Variants in PTPRT observed in about 807,000 individuals in gnomAD.
PTPRT encodes the protein protein tyrosine phosphatase receptor type T, also known as receptor-type tyrosine-protein phosphatase T.
PTPRT carries 56 observed loss-of-function variants against 176.8 expected under a neutral mutation model. That is an observed-to-expected ratio of 0.32 (90% CI 0.26 to 0.40). The LOEUF is 0.40. Among genes scored for constraint, PTPRT ranks in the 10% least tolerant of loss-of-function variants. The pLI, the probability that PTPRT is intolerant of heterozygous loss-of-function variation, is 1.00. For synonymous variants in PTPRT, 783 were observed against 739.0 expected, an observed-to-expected ratio of 1.06 and a Z score of -0.96; for missense variants, 1,540 against 1,908.2, an observed-to-expected ratio of 0.81 and a Z score of 3.60.
chr20:42,096,280 T>C (rs1222488793), intron 27 of PTPRT, among the ~76,000 whole-genome samples: 1 of 152,148 alleles, frequency 6.6e-6, no homozygotes, highest in Non-Finnish European at 1.5e-5. Context: ...TTACCCTTTT[T>C]TTGCAATTTT....
At chr20:42,274,629 T>C (rs1219086205) in intron 13 of PTPRT, among the ~76,000 whole-genome samples, 2 of 150,214 alleles carry the variant, frequency 1.3e-5, no homozygotes, top group East Asian at 3.9e-4. Flanking sequence ...GCTGAATGTC[T>C]CAGACTTCCC....
At chr20:42,552,370 C>G (rs961896327) in intron 7 of PTPRT, among the ~76,000 whole-genome samples, 1 of 152,026 alleles carries the variant, frequency 6.6e-6, no homozygotes, top group Non-Finnish European at 1.5e-5. Context: ...ATCTAAAGAT[C>G]GATCAATGCA....
intron 1 of PTPRT, among the ~76,000 whole-genome samples, chr20:43,140,443 A>AGTGTGTGT (rs6147356): frequency 6.8e-6 from 1 of 146,854 alleles, no homozygotes; most frequent in African/African-American, 2.6e-5. Flanking sequence ...ACCTCTGGGT[A>AGTGTGTGT]GTGTGTGTGT....
At chr20:42,549,291 T>C (rs1414348626) in intron 7 of PTPRT, among the ~76,000 whole-genome samples, 2 of 151,762 alleles carry the variant, frequency 1.3e-5, no homozygotes, top group South Asian at 2.1e-4. Flanking sequence ...GTTAAAAAAA[T>C]AGTACTGATT....
chr20:42,698,381 T>C (rs192437477), intron 6 of PTPRT, among the ~76,000 whole-genome samples: 55 of 152,302 alleles, frequency 3.6e-4, no homozygotes, highest in African/African-American at 1.3e-3. Context: ...AGGACCCCTC[T>C]GAAAGGACTA....
chr20:42,230,451 A>T (rs1324304227), intron 15 of PTPRT, among the ~76,000 whole-genome samples: 1 of 152,240 alleles, frequency 6.6e-6, no homozygotes. Context: ...GACACATGCC[A>T]ACTCTTAATA....
intron 7 of PTPRT, among the ~76,000 whole-genome samples, chr20:42,534,492 C>T (rs955986198): frequency 1.3e-5 from 2 of 151,940 alleles, no homozygotes; most frequent in Non-Finnish European, 2.9e-5. Context: ...AAAATTTAGC[C>T]GGGCATGGTG....
intron 1 of PTPRT, among the ~76,000 whole-genome samples, chr20:42,931,552 C>T (rs1979849251): frequency 6.6e-6 from 1 of 152,138 alleles, no homozygotes. Flanking sequence ...CCTACGTGGG[C>T]AGAGGGTAAG....
At chr20:42,713,965 T>C (rs2076184893) in intron 6 of PTPRT, among the ~76,000 whole-genome samples, 2 of 152,196 alleles carry the variant, frequency 1.3e-5, no homozygotes, top group Non-Finnish European at 1.5e-5. Flanking sequence ...TGCAGAACCA[T>C]GAGCCAATTA....
chr20:43,150,603 C>T (rs1422312175), intron 1 of PTPRT, among the ~76,000 whole-genome samples: 1 of 152,134 alleles, frequency 6.6e-6, no homozygotes, highest in Non-Finnish European at 1.5e-5. Context: ...ACAACAGGCA[C>T]GTGTCACCAT....
chr20:43,023,497 C>G (rs768848729), intron 1 of PTPRT, among the ~76,000 whole-genome samples: 1 of 152,208 alleles, frequency 6.6e-6, no homozygotes, highest in African/African-American at 2.4e-5. Flanking sequence ...TCACACAAGC[C>G]TGCAGAAAGT....
chr20:42,381,924 C>T (rs10485692), intron 9 of PTPRT, among the ~76,000 whole-genome samples: 11,695 of 152,020 alleles, frequency 0.077, 484 homozygotes, highest in African/African-American at 0.11. Flanking sequence ...TGTAACATAG[C>T]GATATTTATA....
chr20:42,365,558 A>AG (rs2058502852), intron 9 of PTPRT, among the ~76,000 whole-genome samples: 1 of 152,026 alleles, frequency 6.6e-6, no homozygotes, highest in African/African-American at 2.4e-5. Flanking sequence ...GATCTAGAGC[A>AG]GGGGTGTCCG....
intron 7 of PTPRT, among the ~76,000 whole-genome samples, chr20:42,628,269 C>T (rs536678803): frequency 6.6e-6 from 1 of 152,090 alleles, no homozygotes; most frequent in Non-Finnish European, 1.5e-5. Context: ...CTCAGTGGGA[C>T]AGGGGAGATG....
chr20:42,461,437 T>C (rs1212524854), intron 8 of PTPRT, among the ~76,000 whole-genome samples: 1 of 151,982 alleles, frequency 6.6e-6, no homozygotes, highest in African/African-American at 2.4e-5. Flanking sequence ...CTGGAGAGGG[T>C]GAGGTGGGAG....
chr20:42,332,954 C>A (rs964210903), intron 11 of PTPRT, among the ~76,000 whole-genome samples: 8 of 152,166 alleles, frequency 5.3e-5, no homozygotes, highest in Non-Finnish European at 1.0e-4. Flanking sequence ...GCAAAGAATG[C>A]ACTCAAGTGC....
Position 42,615,528 on chromosome 20 carries a change from G to T in PTPRT, c.1153+62338C>A, listed in dbSNP as rs111353520. On this transcript the variant is annotated intron_variant, in intron 7 of 30. Coordinates refer to ENST00000373187, the MANE Select transcript of PTPRT (RefSeq NM_007050.6). ...AATCGCCACAGTGACTTCTACAATG[G>T]TTGAACTGGATTACAGTCCCACCAA... is the stretch of plus-strand genomic sequence containing the variant. Among the ~76,000 whole-genome samples, 882 of 138,856 alleles carry T rather than the reference G, an allele frequency of 6.4e-3. 219 individuals carry two copies. Among genetic ancestry groups the T allele is most frequent in the African/African-American group, 0.026 (837 of 32,096 alleles). The allele number at this position is 138,856 out of a possible 152,430, so 91.1% of individuals were successfully genotyped here.
rs1568774167 is a variant in PTPRT, at chr20:43,083,349, T to TATATATATAC, written c.88+106296_88+106297insGTATATATAT. 3.8e-3 allele frequency among the ~76,000 whole-genome samples: 449 copies of TATATATATAC among 117,326 alleles called. 32 individuals carry two copies. Among genetic ancestry groups the TATATATATAC allele is most frequent in the Middle Eastern group, 0.025 (6 of 244 alleles). The allele number at this position is 117,326 out of a possible 152,430, so 77.0% of individuals were successfully genotyped here. A position where few individuals can be genotyped will look rare whatever the true frequency, so the allele number is the denominator to read the frequency against. Reference sequence around the variant, plus strand: ...ATATATATATATATATATATATATATATATATATATATATATATATACATT... The same window carrying TATATATATAC: ...ATATATATATATATATATATATATATATATATATACATATATATATATATATATATACATT... On this transcript the variant is annotated intron_variant, in intron 1 of 30. Coordinates refer to ENST00000373187, the MANE Select transcript of PTPRT (RefSeq NM_007050.6).
intron 1 of PTPRT, 31 bp from the exon 2 acceptor site, chr20:42,885,963 T>G (rs888478205): frequency 6.5e-7 from 1 of 1,550,236 alleles, no homozygotes; most frequent in African/African-American, 1.4e-5. Context: ...GGTAAATACA[T>G]TCCCGTGTCT....
Sources: gnomAD v4.1 joint callset for allele counts (sites outside exome capture counted in the v4.1 genomes callset) on GRCh38, gnomAD v4.1.1 for gene constraint, MANE v1.5 for transcripts, NCBI Gene and HGNC (gene_info 2026-07-23, HGNC 2026-07-21) for gene names.